The following SLC4A2 variants were observed in gnomAD, a reference collection of about 807,000 sequenced individuals.
SLC4A2 encodes solute carrier family 4 member 2.
In SLC4A2, 36 loss-of-function variants were observed where a neutral mutation model predicts 115.0. The observed-to-expected ratio is 0.31, with a 90% CI of 0.24 to 0.41. SLC4A2 has a LOEUF of 0.41. Among genes scored for constraint, SLC4A2 ranks in the 10% least tolerant of loss-of-function variants. The pLI is 1.00. For synonymous variants in SLC4A2, 708 were observed against 708.3 expected, an observed-to-expected ratio of 1.00 and a Z score of 0.01; for missense variants, 1,252 against 1,705.6, an observed-to-expected ratio of 0.73 and a Z score of 4.68.
chr7:151,062,333 C>T (rs35446771), intron 2 of SLC4A2, among the ~76,000 whole-genome samples: 182 of 152,286 alleles, frequency 1.2e-3, no homozygotes, highest in African/African-American at 4.0e-3. Context: ...CCCAGCAACC[C>T]GTCTCAGACC....
Position 151,074,152 on chromosome 7 carries a change from G to A in SLC4A2, c.2649G>A (p.Arg883=). The A allele has an allele frequency of 2.5e-6, 4 of 1,612,820 alleles. No individual in the cohort carries two copies. Among genetic ancestry groups the A allele is most frequent in the Non-Finnish European group, 3.4e-6 (4 of 1,179,956 alleles). Residue 883 remains arginine (R), a synonymous_variant, in exon 17 of 23, where the codon AGG becomes AGA. Coordinates refer to ENST00000413384, the MANE Select transcript of SLC4A2 (RefSeq NM_003040.4). ...GARPTLGPGN[R]SLAGQSGQGK... ...GACCCACGCTGGGGCCGGGCAACAGGAGCTTGGCTGGGCAGTCTGGGCAGG... is the reference window on the plus strand; with the variant it reads ...GACCCACGCTGGGGCCGGGCAACAGAAGCTTGGCTGGGCAGTCTGGGCAGG...
chr7:151,071,484 G>A lies in SLC4A2; in HGVS notation c.2070G>A (p.Arg690=). 6.2e-7 allele frequency: 1 copy of A among 1,612,762 alleles called. No individual in the cohort carries two copies. The highest frequency in any genetic ancestry group is 8.5e-7 in the Non-Finnish European group (1 of 1,179,964). The change falls in exon 14 of 23, where the codon CGG becomes CGA. Residue 690 remains arginine, a synonymous_variant. Transcript: ENST00000413384. This position sits in a 1 kb window ranked among gnomAD's most constrained non-coding sequence, Gnocchi z 5.5. ...TTGGGGGGCTGATCCGAGATGTGCG[G>A]CGCCGCTATCCCCACTACCTGAGTG... ...RPFGGLIRDV[R]RRYPHYLSDF...
chr7:151,063,376 T>A (rs1262900148), intron 2 of SLC4A2, among the ~76,000 whole-genome samples: 3 of 152,180 alleles, frequency 2.0e-5, no homozygotes. Context: ...CAGAAGTTAC[T>A]TTTTGGGCTC....
In SLC4A2 at chr7:151,060,786, A is replaced by G. The variant is rs1314629404; in HGVS notation, c.-64+1024A>G. On this transcript the variant is annotated intron_variant, in intron 1 of 22. Transcript: ENST00000413384. This position sits in a 1 kb window ranked among gnomAD's most constrained non-coding sequence, Gnocchi z 5.9. ...GGAAGAGCGTGGTTAGCCAAGTTGG[A>G]GTGCTTGCCAAGAATGTGTTGCCAG... Among the ~76,000 whole-genome samples the G allele has an allele frequency of 6.6e-6, 1 of 152,076 alleles. No homozygotes were observed. The highest frequency in any genetic ancestry group is 1.5e-5 in the Non-Finnish European group (1 of 67,980).
chr7:151,064,393 AG>A (rs1563342090), intron 3 of SLC4A2, 26 bp downstream of exon 3: 24 of 224,000 alleles, frequency 1.1e-4, no homozygotes, highest in Non-Finnish European at 1.7e-4. Flanking sequence ...GGGGAGGGGG[AG>A]GTGGGGGGAT....
chr7:151,070,444 C>T lies in SLC4A2; in HGVS notation c.1450-13C>T, dbSNP rs1259542662. The T allele has an allele frequency of 6.2e-7, 1 of 1,611,294 alleles. No individual in the cohort carries two copies. Among genetic ancestry groups the T allele is most frequent in the Admixed American group, 1.7e-5 (1 of 59,680 alleles). ...GGGGCCTGGCTGGGCTGAGCCCTGTCTGTGTCCCCCAGCGTGAGCTGCCGC... is the reference window on the plus strand; with the variant it reads ...GGGGCCTGGCTGGGCTGAGCCCTGTTTGTGTCCCCCAGCGTGAGCTGCCGC... On this transcript the variant is annotated splice_polypyrimidine_tract_variant and intron_variant, in intron 10 of 22. Coordinates refer to ENST00000413384, the MANE Select transcript of SLC4A2 (RefSeq NM_003040.4).
At chr7:151,070,375 T>C in intron 10 of SLC4A2, 29 bp downstream of exon 10, 1 of 1,609,344 alleles carries the variant, frequency 6.2e-7, no homozygotes, top group Non-Finnish European at 8.5e-7. Flanking sequence ...CTGCCTGGGC[T>C]GGCGGCAGGG....
chr7:151,062,087 C>T lies in SLC4A2; in HGVS notation c.51+49C>T, dbSNP rs769735718. 41 of 1,538,506 alleles carry T rather than the reference C, an allele frequency of 2.7e-5. 1 individual carries two copies. In the South Asian group the frequency reaches 4.0e-4, roughly 15 times the overall value. On this transcript the variant is annotated intron_variant, in intron 2 of 22. Coordinates refer to ENST00000413384, the MANE Select transcript of SLC4A2 (RefSeq NM_003040.4). Reference sequence around the variant, plus strand: ...AGCCCAACCTTCCCTCCCTGGGCAGCCTTGGGTGCTCCGGCCAAGGGTCCT... The same window carrying T: ...AGCCCAACCTTCCCTCCCTGGGCAGTCTTGGGTGCTCCGGCCAAGGGTCCT...
At chr7:151,074,639 C>G (rs907894895) in intron 18 of SLC4A2, 36 bp from the exon 19 acceptor site, 1 of 1,582,526 alleles carries the variant, frequency 6.3e-7, no homozygotes, top group African/African-American at 1.3e-5. Flanking sequence ...CCACATTCAC[C>G]TTAACCCTTG....
At position 151,066,965 on chromosome 7, in the gene SLC4A2, G is replaced by T; in HGVS notation, c.938G>T (p.Arg313Leu). The part of the protein sequence containing the change: ...GREPGPTPRA[R>L]PRAPHKPHEV... ...GAGCCTGGCCCCACACCTCGGGCCC[G>T]ACCCCGGGCCCCCCACAAGCCCCAT... Residue 313 changes from arginine (R) to leucine (L), a missense_variant, in exon 7 of 23, where the codon CGA becomes CTA. Transcript: ENST00000413384. The T allele has an allele frequency of 6.2e-7, 1 of 1,605,986 alleles. No homozygotes were observed. Among genetic ancestry groups the T allele is most frequent in the Non-Finnish European group, 8.5e-7 (1 of 1,177,504 alleles).
In SLC4A2 at chr7:151,074,051, C is replaced by A. The variant is rs1400938597; in HGVS notation, c.2548C>A (p.His850Asn). 1 of 1,580,140 alleles carries A rather than the reference C, an allele frequency of 6.3e-7. No individual in the cohort carries two copies. Among genetic ancestry groups the A allele is most frequent in the Non-Finnish European group, 8.6e-7 (1 of 1,158,336 alleles). Residue 850 changes from histidine to asparagine, a missense_variant, in exon 17 of 23, where the codon CAC becomes AAC. By Grantham distance (68) the His-to-Asn change is moderately conservative. This residue lies in a region of SLC4A2 where 118 missense variants were observed against 203.3 expected (regional missense o/e 0.58). Transcript: ENST00000413384. ...FYKLVKIFQEHPLHGCSASNS... is the reference protein window; with the variant it reads ...FYKLVKIFQENPLHGCSASNS... ...CTCCTCTCCCCAGATCTTCCAGGAGCACCCCCTGCATGGCTGCTCAGCCTC... is the reference window on the plus strand; with the variant it reads ...CTCCTCTCCCCAGATCTTCCAGGAGAACCCCCTGCATGGCTGCTCAGCCTC...
chr7:151,066,446 C>T (rs1436677876), intron 5 of SLC4A2, 71 bp from the exon 6 acceptor site: 11 of 1,437,132 alleles, frequency 7.7e-6, no homozygotes, highest in East Asian at 2.5e-5. Flanking sequence ...CCCTGGCTAC[C>T]GCCTGCGTGG....
intron 2 of SLC4A2, chr7:151,062,704 C>A: frequency 6.9e-7 from 1 of 1,450,234 alleles, no homozygotes; most frequent in South Asian, 1.4e-5. Flanking sequence ...TGGCGGCAAG[C>A]TCCCTGCGCC....
intron 22 of SLC4A2, 43 bp from the exon 23 acceptor site, chr7:151,076,244 G>GCC: frequency 1.3e-6 from 2 of 1,594,862 alleles, no homozygotes; most frequent in Non-Finnish European, 1.7e-6. Flanking sequence ...ATCTGGAAAG[G>GCC]CCCCCCCACT....
In SLC4A2 at chr7:151,071,400, G is replaced by A; in HGVS notation, c.1986G>A (p.Gln662=). 4 of 1,596,956 alleles carry A rather than the reference G, an allele frequency of 2.5e-6. No homozygotes were observed. Among genetic ancestry groups the A allele is most frequent in the South Asian group, 1.1e-5 (1 of 90,054 alleles). The stretch of plus-strand genomic sequence containing the variant: ...AGGCCTGGGTTGCAGCGCTCCTGCA[G>A]ATGGTAGAGGCGGCAGGGGCAGCTG... The part of the protein sequence containing the change: ...PKSAQDKALL[Q]MVEAAGAAED... The change falls in exon 14 of 23, where the codon CAG becomes CAA. Residue 662 remains glutamine, a synonymous_variant. Coordinates refer to ENST00000413384, the MANE Select transcript of SLC4A2 (RefSeq NM_003040.4). This position sits in a 1 kb window ranked among gnomAD's most constrained non-coding sequence, Gnocchi z 5.5.
Position 151,075,238 on chromosome 7 carries a change from ACCCCTCCCG to A in SLC4A2, c.3048-15_3048-7del. On this transcript the variant is annotated splice_region_variant and splice_polypyrimidine_tract_variant and intron_variant, in intron 19 of 22. Transcript: ENST00000413384. The stretch of plus-strand genomic sequence containing the variant: ...TGAGTCCAGCCTGGGCCTCAGCAGC[ACCCCTCCCG>A]CTCTCAGGCTCATCATCTCCAAGAA... The A allele has an allele frequency of 6.2e-7, 1 of 1,611,452 alleles. No homozygotes were observed. The highest frequency in any genetic ancestry group is 8.5e-7 in the Non-Finnish European group (1 of 1,179,844).
rs751279384 is a variant in SLC4A2 at position 151,064,941 on chromosome 7, C to T, written c.553C>T (p.Arg185Trp). 8 of 1,613,346 alleles carry T rather than the reference C, an allele frequency of 5.0e-6. No homozygotes were observed. The highest frequency in any genetic ancestry group is 6.8e-6 in the Non-Finnish European group (8 of 1,179,508). Residue 185 changes from arginine (R) to tryptophan (W), a missense_variant, in exon 5 of 23, where the codon CGG becomes TGG. Arg to Trp is a moderately radical substitution (Grantham distance 101, BLOSUM62 -3). Transcript: ENST00000413384. ...APLPHQEATP[R>W]ASKGAQAGTQ... ...ACTGCCCCACCAGGAGGCGACTCCT[C>T]GGGCCTCCAAAGGGGCCCAGGCTGG... is the stretch of plus-strand genomic sequence containing the variant.
At chr7:151,062,436 G>A (rs918781458) in intron 2 of SLC4A2, 10 of 1,021,456 alleles carry the variant, frequency 9.8e-6, no homozygotes, top group Non-Finnish European at 1.3e-5. Context: ...CCCTGCCCAC[G>A]TGCCACCCAG....
At position 151,066,772 on chromosome 7, in the gene SLC4A2, G is replaced by A. The variant is rs769094039; in HGVS notation, c.823+11G>A. 23 of 1,576,920 alleles carry A rather than the reference G, an allele frequency of 1.5e-5. No homozygotes were observed. The highest frequency in any genetic ancestry group is 4.6e-5 in the South Asian group (4 of 87,036). On this transcript the variant is annotated intron_variant, in intron 6 of 22. Coordinates refer to ENST00000413384, the MANE Select transcript of SLC4A2 (RefSeq NM_003040.4). ...TAGACCTCATGAAGAGTAAGTGCTG[G>A]GCCTTGGCCAAGCCCGGCACTGGTG...
Sources: allele counts gnomAD v4.1 joint callset (sites outside exome capture counted in the v4.1 genomes callset), GRCh38; gene constraint gnomAD v4.1.1; regional missense constraint gnomAD v4.1.1; non-coding constraint Gnocchi (gnomAD v3.1); transcripts MANE v1.5; gene names NCBI Gene and HGNC (gene_info 2026-07-23, HGNC 2026-07-21).